Variants in MDN1 observed in about 807,000 individuals in gnomAD.
MDN1 encodes the protein midasin AAA ATPase 1, also known as midasin.
In MDN1, 266 loss-of-function variants were observed where a neutral mutation model predicts 669.2. The observed-to-expected ratio is 0.40, with a 90% CI of 0.36 to 0.44. MDN1 has a LOEUF of 0.44. Among genes scored for constraint, MDN1 ranks in the 20% least tolerant of loss-of-function variants. MDN1 has a pLI of 1.00. For missense variants in MDN1, 5,940 were observed against 6,754.0 expected, an observed-to-expected ratio of 0.88 and a Z score of 4.22; for synonymous variants, 2,385 against 2,457.1, an observed-to-expected ratio of 0.97 and a Z score of 0.87.
chr6:89,691,160 A>G (rs1812354015), intron 63 of MDN1, among the ~76,000 whole-genome samples: 1 of 152,204 alleles, frequency 6.6e-6, no homozygotes, highest in Non-Finnish European at 1.5e-5. Flanking sequence ...AGGGTTGGCC[A>G]TGAGAGGGTT....
intron 7 of MDN1, among the ~76,000 whole-genome samples, chr6:89,788,952 C>T (rs367689553): frequency 5.3e-5 from 8 of 151,958 alleles, no homozygotes; most frequent in Non-Finnish European, 8.8e-5. Flanking sequence ...GGTGAAACCC[C>T]GTCTCTACTA....
chr6:89,716,532 C>T, intron 44 of MDN1, 118 bp downstream of exon 44: 1 of 1,144,204 alleles, frequency 8.7e-7, no homozygotes, highest in Non-Finnish European at 1.2e-6. Context: ...GCTGAGGACG[C>T]TTGCGTAATT....
intron 84 of MDN1, among the ~76,000 whole-genome samples, chr6:89,666,860 A>T (rs72913966): frequency 7.9e-5 from 12 of 152,334 alleles, no homozygotes; most frequent in Non-Finnish European, 1.3e-4. Flanking sequence ...AAACCATCTC[A>T]TTCTACTTCA....
At chr6:89,797,668 T>C (rs1308382985) in intron 2 of MDN1, 4 of 481,220 alleles carry the variant, frequency 8.3e-6, no homozygotes, top group Admixed American at 7.1e-5. Context: ...GTAAAACAAG[T>C]TTTTCAAAGT....
intron 5 of MDN1, among the ~76,000 whole-genome samples, chr6:89,793,307 T>C (rs1463782625): frequency 6.6e-6 from 1 of 152,240 alleles, no homozygotes; most frequent in Non-Finnish European, 1.5e-5. Flanking sequence ...GATCGTAACA[T>C]GTGCTACAGA....
intron 33 of MDN1, among the ~76,000 whole-genome samples, chr6:89,737,944 G>A (rs1031448595): frequency 6.6e-5 from 10 of 151,990 alleles, no homozygotes; most frequent in African/African-American, 1.4e-4. Context: ...GGCTGCTCTC[G>A]AACTCCTGAC....
At chr6:89,758,234 C>A (rs1398394590) in intron 19 of MDN1, 21 bp downstream of exon 19, 2 of 1,580,344 alleles carry the variant, frequency 1.3e-6, no homozygotes, top group Admixed American at 1.7e-5. Flanking sequence ...AAAGGAAAGT[C>A]TCCAAGAACC....
chr6:89,661,872 C>T (rs1809792273), intron 87 of MDN1, among the ~76,000 whole-genome samples: 1 of 152,192 alleles, frequency 6.6e-6, no homozygotes, highest in Admixed American at 6.5e-5. Flanking sequence ...TGATCTATAG[C>T]ATGAGCCCAG....
chr6:89,803,361 C>T lies in MDN1; in HGVS notation c.296G>A (p.Ser99Asn). The T allele has an allele frequency of 1.2e-6, 2 of 1,614,144 alleles. No individual in the cohort carries two copies. Among genetic ancestry groups the T allele is most frequent in the Non-Finnish European group, 1.7e-6 (2 of 1,180,030 alleles). ...ATCAGGATGGTTACCAATGAGTTTGCTCATCGACACACATAGCCGTTCATG... is the reference window on the plus strand; with the variant it reads ...ATCAGGATGGTTACCAATGAGTTTGTTCATCGACACACATAGCCGTTCATG... ...DLHERLCVSM[S>N]KLIGNHPDVL... The change falls in exon 2 of 102, where the codon AGC becomes AAC. Residue 99 changes from serine (S) to asparagine (N), a missense_variant. Physicochemically the swap from Ser to Asn is conservative, Grantham distance 46. Transcript: ENST00000369393.
intron 97 of MDN1, among the ~76,000 whole-genome samples, chr6:89,649,408 A>G (rs1333906530): frequency 2.0e-5 from 3 of 152,238 alleles, no homozygotes; most frequent in Non-Finnish European, 2.9e-5. Context: ...AGGCTACACT[A>G]ACTTTTTCCA....
At position 89,761,763 on chromosome 6, in the gene MDN1, C is replaced by A. The variant is rs969352467; in HGVS notation, c.2357-15G>T. The A allele has an allele frequency of 1.6e-5, 24 of 1,537,424 alleles. No homozygotes were observed. The highest frequency in any genetic ancestry group is 1.7e-5 in the Non-Finnish European group (19 of 1,117,546). On this transcript the variant is annotated splice_polypyrimidine_tract_variant and intron_variant, in intron 16 of 101. Transcript: ENST00000369393. Reference sequence around the variant, plus strand: ...TATGAGTAACCCTAAAAAAGAAAGACAAGAATTCAGCACACATTTTGAATT... The same window carrying A: ...TATGAGTAACCCTAAAAAAGAAAGAAAAGAATTCAGCACACATTTTGAATT...
chr6:89,795,203 A>G (rs1410103416), intron 2 of MDN1, among the ~76,000 whole-genome samples: 2 of 152,318 alleles, frequency 1.3e-5, no homozygotes, highest in East Asian at 3.9e-4. Flanking sequence ...TCCAACAAAC[A>G]TTTATTCAGT....
At chr6:89,759,556 G>T (rs1425170933) in intron 17 of MDN1, among the ~76,000 whole-genome samples, 1 of 152,158 alleles carries the variant, frequency 6.6e-6, no homozygotes, top group African/African-American at 2.4e-5. Context: ...TGGAGGTCAG[G>T]AGTTCGACAC....
chr6:89,749,948 T>TC (rs1170609430), intron 24 of MDN1, among the ~76,000 whole-genome samples, 197 bp from the exon 25 acceptor site: 2 of 152,270 alleles, frequency 1.3e-5, no homozygotes, highest in African/African-American at 2.4e-5. Context: ...GTCCCTTTTT[T>TC]CCCCACAGAA....
At chr6:89,735,368 AC>A (rs1200360925) in intron 33 of MDN1, among the ~76,000 whole-genome samples, 1 of 143,800 alleles carries the variant, frequency 7.0e-6, no homozygotes, top group Non-Finnish European at 1.5e-5. Flanking sequence ...ATATCACAGA[AC>A]CTTTTTTTTT....
chr6:89,681,845 G>A (rs1157957044), intron 73 of MDN1, among the ~76,000 whole-genome samples: 1 of 151,858 alleles, frequency 6.6e-6, no homozygotes, highest in Non-Finnish European at 1.5e-5. Context: ...GAGAGACAGG[G>A]TCTCATACGT....
chr6:89,683,659 G>A (rs1320559930), intron 72 of MDN1, among the ~76,000 whole-genome samples, 172 bp downstream of exon 72: 1 of 151,820 alleles, frequency 6.6e-6, no homozygotes, highest in East Asian at 2.0e-4. Flanking sequence ...GACTTTGCTT[G>A]GAGAAGAAGG....
intron 15 of MDN1, among the ~76,000 whole-genome samples, chr6:89,766,021 G>A (rs542982758): frequency 2.0e-5 from 3 of 152,310 alleles, no homozygotes; most frequent in East Asian, 1.9e-4. Context: ...CAGGCCAGGC[G>A]CTGTGGCTCA....
intron 65 of MDN1, 56 bp downstream of exon 65, chr6:89,689,804 TAGCAACAGCA>T: frequency 6.6e-7 from 1 of 1,515,282 alleles, no homozygotes; most frequent in Non-Finnish European, 9.0e-7. Context: ...TGTTACAGAG[TAGCAACAGCA>T]TCTATTTGCA....
Sources: allele counts gnomAD v4.1 joint callset (sites outside exome capture counted in the v4.1 genomes callset), GRCh38; gene constraint gnomAD v4.1.1; transcripts MANE v1.5; gene names NCBI Gene and HGNC (gene_info 2026-07-23, HGNC 2026-07-21).